The following CAST variants were observed in gnomAD, a reference collection of about 807,000 sequenced individuals.
The protein encoded by CAST is calpastatin.
A neutral mutation model predicts 119.6 loss-of-function variants in CAST; 76 were observed. That is an observed-to-expected ratio of 0.64 (90% CI 0.53 to 0.77). The LOEUF (loss-of-function observed/expected upper bound fraction) is 0.77, where lower values mean the gene tolerates loss of function less well. CAST is among the 30% of genes least tolerant of loss of function. The pLI is 0.00. For missense variants in CAST, 953 were observed against 946.5 expected, an observed-to-expected ratio of 1.01 and a Z score of -0.09; for synonymous variants, 319 against 331.6, an observed-to-expected ratio of 0.96 and a Z score of 0.41.
intron 1 of CAST, among the ~76,000 whole-genome samples, chr5:96,595,272 C>T (rs901295131): frequency 3.9e-5 from 6 of 152,180 alleles, no homozygotes; most frequent in African/African-American, 1.4e-4. Flanking sequence ...ATTGGCAACT[C>T]CAGTGGCTCA....
the CAST span, among the ~76,000 whole-genome samples, chr5:95,992,984 C>A: frequency 6.6e-6 from 1 of 152,094 alleles, no homozygotes; most frequent in Non-Finnish European, 1.5e-5. Flanking sequence ...GTAGAAAACA[C>A]ACTTTTTAAA....
intron 1 of CAST, among the ~76,000 whole-genome samples, chr5:96,552,388 G>A (rs747789361): frequency 1.1e-4 from 16 of 152,248 alleles, no homozygotes; most frequent in South Asian, 2.1e-4. Flanking sequence ...AAGATACAAC[G>A]TACCAGAATC....
chr5:96,690,263 G>T (rs1290316672), intron 2 of CAST, among the ~76,000 whole-genome samples: 1 of 151,932 alleles, frequency 6.6e-6, no homozygotes, highest in African/African-American at 2.4e-5. Flanking sequence ...ATGGGGTCTT[G>T]CTCTGTTGCC....
At position 96,677,328 on chromosome 5, in the gene CAST, C is replaced by G. The variant is rs531638681; in HGVS notation, c.138+1727C>G. Among the ~76,000 whole-genome samples, 47 of 152,270 alleles carry G rather than the reference C, an allele frequency of 3.1e-4. 1 individual carries two copies. Among genetic ancestry groups the G allele is most frequent in the Admixed American group, 3.0e-3 (46 of 15,298 alleles). ...CAAAGCCAATACTAATATGGTCATT[C>G]TGGCCAATTATAACTGGGAAACTTA... On this transcript the variant is annotated intron_variant, in intron 2 of 31. Coordinates refer to ENST00000675179, the MANE Select transcript of CAST (RefSeq NM_001750.7).
chr5:96,513,487 C>G, the CAST span, among the ~76,000 whole-genome samples: 7 of 152,220 alleles, frequency 4.6e-5, no homozygotes, highest in Admixed American at 3.3e-4. Context: ...TCAGTTACCC[C>G]CTAACAACAA....
chr5:96,169,889 A>AC, the CAST span, among the ~76,000 whole-genome samples: 6 of 152,278 alleles, frequency 3.9e-5, no homozygotes, highest in South Asian at 2.1e-4. Context: ...GGTGGGGATA[A>AC]TTAAAAGGAG....
At chr5:96,372,177 G>A in the CAST span, among the ~76,000 whole-genome samples, 1 of 152,214 alleles carries the variant, frequency 6.6e-6, no homozygotes, top group Non-Finnish European at 1.5e-5. Context: ...TTGGAACCCA[G>A]GTTTATGGGC....
the CAST span, among the ~76,000 whole-genome samples, chr5:96,098,093 T>G: frequency 6.6e-6 from 1 of 152,226 alleles, no homozygotes; most frequent in Non-Finnish European, 1.5e-5. Flanking sequence ...AATTTGAGCT[T>G]TTTCATGTAA....
the CAST span, among the ~76,000 whole-genome samples, chr5:96,457,347 G>T: frequency 6.6e-6 from 1 of 152,126 alleles, no homozygotes; most frequent in Non-Finnish European, 1.5e-5. Context: ...ATCTGCCATG[G>T]TCTGCCCTCA....
chr5:96,567,041 T>C (rs1362640089), intron 1 of CAST, among the ~76,000 whole-genome samples: 1 of 152,184 alleles, frequency 6.6e-6, no homozygotes, highest in Non-Finnish European at 1.5e-5. Flanking sequence ...TTGCTGCAAA[T>C]TATATGGGAG....
the CAST span, among the ~76,000 whole-genome samples, chr5:95,962,392 G>C: frequency 6.6e-6 from 1 of 152,236 alleles, no homozygotes; most frequent in Non-Finnish European, 1.5e-5. Context: ...AGGAGGACTC[G>C]CTAGAGAGCT....
the CAST span, chr5:96,433,027 A>G: frequency 6.2e-7 from 1 of 1,614,152 alleles, no homozygotes; most frequent in Non-Finnish European, 8.5e-7. Context: ...TGCAGACTCC[A>G]GGCTCTTCGC....
chr5:96,355,997 G>A, the CAST span, among the ~76,000 whole-genome samples: 1 of 151,990 alleles, frequency 6.6e-6, no homozygotes, highest in Non-Finnish European at 1.5e-5. Flanking sequence ...ACTGCACCCG[G>A]CCTGTTTCCT....
At chr5:96,130,873 A>T in the CAST span, among the ~76,000 whole-genome samples, 1 of 152,116 alleles carries the variant, frequency 6.6e-6, no homozygotes, top group East Asian at 1.9e-4. Flanking sequence ...AAAGAGTAAA[A>T]ATATCCATTG....
chr5:96,462,705 T>C, the CAST span, among the ~76,000 whole-genome samples: 2 of 152,130 alleles, frequency 1.3e-5, no homozygotes, highest in African/African-American at 2.4e-5. Context: ...TTTGGCTCTG[T>C]GTCCCCACTA....
At chr5:96,728,206 A>G (rs1183313026) in intron 6 of CAST, 2 of 152,264 alleles carry the variant, frequency 1.3e-5, no homozygotes, top group African/African-American at 2.4e-5. Context: ...TTCCTGTGGA[A>G]AAGCACAGAT....
chr5:96,022,590 C>G, the CAST span, among the ~76,000 whole-genome samples: 1 of 152,256 alleles, frequency 6.6e-6, no homozygotes, highest in East Asian at 1.9e-4. Flanking sequence ...ATGACTCTTT[C>G]TTTTAATTCA....
At chr5:96,583,044 A>G (rs1746795174) in intron 1 of CAST, among the ~76,000 whole-genome samples, 1 of 152,216 alleles carries the variant, frequency 6.6e-6, no homozygotes, top group Admixed American at 6.5e-5. Context: ...GGTGAAAGGA[A>G]CAGAGCCTGA....
intron 1 of CAST, among the ~76,000 whole-genome samples, chr5:96,565,490 C>A (rs1316607282): frequency 6.6e-6 from 1 of 152,150 alleles, no homozygotes; most frequent in African/African-American, 2.4e-5. Context: ...TTGGACACAT[C>A]CCCAAATCAT....
Sources: allele counts gnomAD v4.1 joint callset (sites outside exome capture counted in the v4.1 genomes callset), GRCh38; gene constraint gnomAD v4.1.1; transcripts MANE v1.5; gene names NCBI Gene and HGNC (gene_info 2026-07-23, HGNC 2026-07-21).